Variants in FGL1 observed in about 807,000 individuals in gnomAD.
FGL1 encodes fibrinogen-like protein 1.
Under a neutral mutation model 43.7 loss-of-function variants are expected in FGL1, and 59 were observed. That is an observed-to-expected ratio of 1.35 (90% CI 1.10 to 1.68). The LOEUF is 1.68. FGL1 is among the 40% of genes most tolerant of loss of function. The probability of loss-of-function intolerance (pLI) is 0.00; values close to 1 mark genes in which losing one functional copy is unlikely to be tolerated. For synonymous variants in FGL1, 192 were observed against 126.5 expected (o/e 1.52, Z -3.48); for missense variants, 596 against 373.0 (o/e 1.60, Z -4.92).
intron 2 of FGL1, chr8:17,882,509 T>C (rs2053552412): frequency 5.6e-6 from 1 of 178,140 alleles, no homozygotes; most frequent in Non-Finnish European, 1.2e-5. Flanking sequence ...GCCCAGTGGG[T>C]AAGCGGAGGT....
intron 5 of FGL1, among the ~76,000 whole-genome samples, 167 bp from the exon 6 acceptor site, chr8:17,869,171 T>C (rs186386014): frequency 2.0e-3 from 303 of 152,292 alleles, no homozygotes; most frequent in Non-Finnish European, 3.0e-3. Flanking sequence ...AACATGAACA[T>C]TTTATCGTGT....
intron 1 of FGL1, among the ~76,000 whole-genome samples, chr8:17,893,536 G>A (rs998582905): frequency 3.3e-5 from 5 of 150,078 alleles, no homozygotes; most frequent in Admixed American, 3.3e-4. Context: ...TTGATGTCCT[G>A]AAATGTTTAT....
intron 1 of FGL1, among the ~76,000 whole-genome samples, chr8:17,893,010 C>A (rs2053727097): frequency 1.3e-5 from 2 of 152,100 alleles, no homozygotes; most frequent in African/African-American, 4.8e-5. Flanking sequence ...ACCAGCATGG[C>A]CAACATGGCA....
At chr8:17,875,510 T>C (rs182364639) in intron 3 of FGL1, among the ~76,000 whole-genome samples, 1,516 of 12,230 alleles carry the variant, frequency 0.12, 184 homozygotes, top group African/African-American at 0.23. Context: ...TTTCTTTCTT[T>C]CTTTCTTTCT....
intron 2 of FGL1, among the ~76,000 whole-genome samples, chr8:17,885,291 T>C (rs1302538274): frequency 6.6e-6 from 1 of 152,072 alleles, no homozygotes; most frequent in Non-Finnish European, 1.5e-5. Flanking sequence ...GATCCACCCA[T>C]CTCGGCCTCC....
chr8:17,888,697 G>C (rs1349335083), intron 1 of FGL1, among the ~76,000 whole-genome samples: 1 of 151,976 alleles, frequency 6.6e-6, no homozygotes, highest in Non-Finnish European at 1.5e-5. Flanking sequence ...ATACTACAAA[G>C]GATTGTATCA....
chr8:17,866,316 A>G (rs1181168118), intron 7 of FGL1, among the ~76,000 whole-genome samples: 1 of 151,406 alleles, frequency 6.6e-6, no homozygotes, highest in East Asian at 1.9e-4. Flanking sequence ...AACAAAGAAA[A>G]GACATCAACT....
intron 5 of FGL1, among the ~76,000 whole-genome samples, 188 bp downstream of exon 5, chr8:17,873,830 CT>C (rs935257371): frequency 6.6e-6 from 1 of 151,104 alleles, no homozygotes; most frequent in Non-Finnish European, 1.5e-5. Flanking sequence ...CCAATTCTAG[CT>C]TTTTTTTCTG....
intron 3 of FGL1, among the ~76,000 whole-genome samples, chr8:17,875,232 T>C (rs1267463380): frequency 6.6e-6 from 1 of 152,194 alleles, no homozygotes; most frequent in Admixed American, 6.5e-5. Context: ...TGCAGGTTTG[T>C]TACATATGTA....
intron 3 of FGL1, 192 bp from the exon 4 acceptor site, chr8:17,874,713 T>C: frequency 2.5e-6 from 1 of 393,784 alleles, no homozygotes; most frequent in East Asian, 3.7e-5. Context: ...TTGCTAAAAT[T>C]TGCCACCTGA....
chr8:17,874,377 C>G lies in FGL1; in HGVS notation c.389G>C (p.Ser130Thr). 1.2e-6 allele frequency: 2 copies of G among 1,612,728 alleles called. No homozygotes were observed. The highest frequency in any genetic ancestry group is 2.2e-5 in the East Asian group (1 of 44,852). The change falls in exon 4 of 8, where the codon AGT becomes ACT. Residue 130 changes from serine to threonine, a missense_variant. Ser to Thr is a moderately conservative substitution (Grantham distance 58). Transcript: ENST00000427924. ...ATTAGCACACCTGTTAAAGTTTTCA[C>G]TGCCATCAGATCGTCTCTGAATTAC... is the stretch of plus-strand genomic sequence containing the variant. ...WTVIQRRSDG[S>T]ENFNRGWKDY...
intron 1 of FGL1, among the ~76,000 whole-genome samples, chr8:17,890,528 T>C (rs1005158953): frequency 4.6e-5 from 7 of 152,176 alleles, no homozygotes; most frequent in Admixed American, 6.6e-5. Context: ...CTCCATGACA[T>C]CCTTCAGGTC....
chr8:17,874,427 G>A lies in FGL1; in HGVS notation c.339C>T (p.Asp113=), dbSNP rs2053413284. The change falls in exon 4 of 8, where the codon GAC becomes GAT. Residue 113 remains aspartate, a synonymous_variant. Coordinates refer to ENST00000427924, the MANE Select transcript of FGL1 (RefSeq NM_004467.4). ...QSPAEFSVYC[D]MSDGGGWTVI... ...CAGTCCATCCTCCTCCATCGGACAT[G>A]TCACAATAAACAGAAAATTCTGCTG... 6.2e-7 allele frequency: 1 copy of A among 1,614,110 alleles called. No homozygotes were observed.
chr8:17,889,255 T>C (rs2053672253), intron 1 of FGL1, among the ~76,000 whole-genome samples: 1 of 152,206 alleles, frequency 6.6e-6, no homozygotes, highest in South Asian at 2.1e-4. Context: ...CACTAAACAC[T>C]CTGCCGAACT....
rs765953089 is a variant in FGL1 at position 17,864,741 on chromosome 8, C to T, written c.790G>A (p.Ala264Thr). The T allele has an allele frequency of 1.3e-6, 2 of 1,509,320 alleles. No individual in the cohort carries two copies. 93.5% of individuals were successfully genotyped at this position (1,509,320 alleles called of 1,614,324 possible). The stretch of plus-strand genomic sequence containing the variant: ...CTGTAGTATACACCATTCAGGTTTG[C>T]AGAGTGACACCTAGTGGAAGGGAGA... ...SGWWFNRCHS[A>T]NLNGVYYSGP... is the part of the protein sequence containing the mutation. Residue 264 changes from alanine to threonine, a missense_variant, in exon 8 of 8, where the codon GCA becomes ACA. By Grantham distance (58) the Ala-to-Thr change is moderately conservative. Coordinates refer to ENST00000427924, the MANE Select transcript of FGL1 (RefSeq NM_004467.4).
At chr8:17,874,591 G>C in intron 3 of FGL1, 70 bp from the exon 4 acceptor site, 1 of 1,226,154 alleles carries the variant, frequency 8.2e-7, no homozygotes, top group Middle Eastern at 2.0e-4. Context: ...GGGAGCCTCT[G>C]AATGAGACTA....
At chr8:17,884,946 C>G (rs972045782) in intron 2 of FGL1, among the ~76,000 whole-genome samples, 13 of 151,986 alleles carry the variant, frequency 8.6e-5, no homozygotes, top group African/African-American at 3.1e-4. Flanking sequence ...TTACTATGGA[C>G]AGTTTCAAAT....
In FGL1 at chr8:17,864,736, G is replaced by T. The variant is rs930160679; in HGVS notation, c.795C>A (p.Asn265Lys). 1.3e-6 allele frequency: 2 copies of T among 1,526,998 alleles called. No homozygotes were observed. Among genetic ancestry groups the T allele is most frequent in the Non-Finnish European group, 1.8e-6 (2 of 1,140,338 alleles). The allele number at this position is 1,526,998 out of a possible 1,614,324, so 94.6% of individuals were successfully genotyped here. A position where few individuals can be genotyped will look rare whatever the true frequency, so the allele number is the denominator to read the frequency against. Reference sequence around the variant, plus strand: ...GGCCGCTGTAGTATACACCATTCAGGTTTGCAGAGTGACACCTAGTGGAAG... The same window carrying T: ...GGCCGCTGTAGTATACACCATTCAGTTTTGCAGAGTGACACCTAGTGGAAG... ...GWWFNRCHSA[N>K]LNGVYYSGPY... The change falls in exon 8 of 8, where the codon AAC becomes AAA. Residue 265 changes from asparagine (N) to lysine (K), a missense_variant. Transcript: ENST00000427924.
intron 3 of FGL1, among the ~76,000 whole-genome samples, chr8:17,876,452 A>G (rs2053457755): frequency 6.6e-6 from 1 of 152,214 alleles, no homozygotes; most frequent in Non-Finnish European, 1.5e-5. Flanking sequence ...TTACCTTTGT[A>G]ATGATTTAGG....
Sources: gnomAD v4.1 joint callset for allele counts (sites outside exome capture counted in the v4.1 genomes callset) on GRCh38, gnomAD v4.1.1 for gene constraint, MANE v1.5 for transcripts, NCBI Gene and HGNC (gene_info 2026-07-23, HGNC 2026-07-21) for gene names.